The following ILDR2 variants were observed in gnomAD, a reference collection of about 807,000 sequenced individuals.
ILDR2 encodes immunoglobulin like domain containing receptor 2, also known as immunoglobulin-like domain-containing receptor 2.
In ILDR2, 25 loss-of-function variants were observed where a neutral mutation model predicts 66.8. The observed-to-expected ratio is 0.37, with a 90% CI of 0.27 to 0.52. The LOEUF is 0.52. Among genes scored for constraint, ILDR2 ranks in the 20% least tolerant of loss-of-function variants. The pLI is 0.88. For missense variants in ILDR2, 827 were observed against 876.8 expected (o/e 0.94, Z 0.72); for synonymous variants, 367 against 357.2 (o/e 1.03, Z -0.31).
intron 3 of ILDR2, 31 bp downstream of exon 3, chr1:166,956,702 G>C (rs1398369680): frequency 1.2e-6 from 2 of 1,611,190 alleles, no homozygotes; most frequent in African/African-American, 1.3e-5. Context: ...AGTGGTCTAA[G>C]ATGAAAATGT....
exon 3 of ILDR2, chr1:166,895,977 A>C (rs1659160183): frequency 6.6e-6 from 1 of 152,188 alleles, no homozygotes; most frequent in African/African-American, 2.4e-5. Flanking sequence ...CTATGTCTTC[A>C]GAGATAAGAA....
intron 2 of ILDR2, among the ~76,000 whole-genome samples, chr1:166,902,581 G>A (rs557864669): frequency 3.3e-4 from 50 of 152,284 alleles, no homozygotes; most frequent in African/African-American, 1.2e-3. Context: ...AGGTGAGTGA[G>A]GAAACACATT....
chr1:166,933,599 G>T, intron 6 of ILDR2: 2 of 937,686 alleles, frequency 2.1e-6, no homozygotes, highest in South Asian at 9.9e-5. Context: ...GAAAAAGACA[G>T]AAAATGACAG....
exon 3 of ILDR2, chr1:166,895,820 C>T (rs142580518): frequency 3.3e-5 from 5 of 152,266 alleles, no homozygotes; most frequent in African/African-American, 1.2e-4. Flanking sequence ...GAATCATGGA[C>T]AGTCATAGAG....
chr1:166,927,601 A>C (rs1201449220), intron 6 of ILDR2, among the ~76,000 whole-genome samples: 3 of 152,220 alleles, frequency 2.0e-5, no homozygotes, highest in Non-Finnish European at 2.9e-5. Flanking sequence ...ACTTTGTGAG[A>C]GCACAGGTAA....
At chr1:166,928,197 G>C (rs1660419022) in intron 6 of ILDR2, among the ~76,000 whole-genome samples, 1 of 152,194 alleles carries the variant, frequency 6.6e-6, no homozygotes, top group African/African-American at 2.4e-5. Flanking sequence ...ATGGACATTT[G>C]TTCCTCAGAA....
chr1:166,949,539 C>T (rs1032460134), intron 3 of ILDR2, among the ~76,000 whole-genome samples: 6 of 152,098 alleles, frequency 3.9e-5, no homozygotes, highest in African/African-American at 1.4e-4. Context: ...AAACTGACTC[C>T]ACTCCATGGT....
At chr1:166,942,577 T>C (rs1193306304) in intron 3 of ILDR2, among the ~76,000 whole-genome samples, 1 of 152,220 alleles carries the variant, frequency 6.6e-6, no homozygotes, top group Non-Finnish European at 1.5e-5. Flanking sequence ...GCAGGCTGCA[T>C]AGAGCCCAGA....
At chr1:166,938,634 T>C (rs1432199943) in intron 4 of ILDR2, among the ~76,000 whole-genome samples, 1 of 152,194 alleles carries the variant, frequency 6.6e-6, no homozygotes, top group Non-Finnish European at 1.5e-5. Context: ...TGAAGCTCAA[T>C]GGTAAAGAAT....
intron 1 of ILDR2, among the ~76,000 whole-genome samples, chr1:166,971,252 A>G (rs994803459): frequency 1.3e-5 from 2 of 152,226 alleles, no homozygotes; most frequent in African/African-American, 2.4e-5. Context: ...CAACCCCAGC[A>G]TAACTTCTGG....
chr1:166,961,568 G>A (rs1662616890), intron 1 of ILDR2, among the ~76,000 whole-genome samples: 1 of 152,206 alleles, frequency 6.6e-6, no homozygotes, highest in African/African-American at 2.4e-5. Context: ...ACTCAACTCT[G>A]ATGAGTTTCA....
chr1:166,972,335 G>C (rs189313987), intron 1 of ILDR2, among the ~76,000 whole-genome samples: 1 of 152,144 alleles, frequency 6.6e-6, no homozygotes. Flanking sequence ...CCAGAGTGTC[G>C]ACACAGCTCC....
At position 166,960,731 on chromosome 1, in the gene ILDR2, C is replaced by T. The variant is rs1284785654; in HGVS notation, c.47-2630G>A. Reference sequence around the variant, plus strand: ...CCCATCAAAAGGCAAACAATTCCATCTGGAAGCTCATTGAAGAACCCTAGT... The same window carrying T: ...CCCATCAAAAGGCAAACAATTCCATTTGGAAGCTCATTGAAGAACCCTAGT... On this transcript the variant is annotated intron_variant, in intron 1 of 9. Coordinates refer to ENST00000271417, the MANE Select transcript of ILDR2 (RefSeq NM_199351.3). Among the ~76,000 whole-genome samples, 5 of 152,210 alleles carry T rather than the reference C, an allele frequency of 3.3e-5. No homozygotes were observed. The East Asian group carries it at 5.8e-4, about 18-fold the overall frequency.
At chr1:166,895,869 G>T (rs753520859) in exon 3 of ILDR2, 1 of 152,170 alleles carries the variant, frequency 6.6e-6, no homozygotes, top group Non-Finnish European at 1.5e-5. Flanking sequence ...ATCTAATGCC[G>T]ATAAACTGCA....
At position 166,909,710 on chromosome 1, in the gene ILDR2, C is replaced by T. The variant is rs544547292; in HGVS notation, c.*9645G>A. ...CAAAAACAAGGTTAATAGAAATTGA[C>T]ATATATATGTGTGTGTGTATACATA... On this transcript the variant is annotated 3_prime_UTR_variant, in exon 10 of 10. Coordinates refer to ENST00000271417, the MANE Select transcript of ILDR2 (RefSeq NM_199351.3). 1.3e-4 allele frequency: 17 copies of T among 131,510 alleles called. No individual in the cohort carries two copies. The highest frequency in any genetic ancestry group is 4.7e-4 in the African/African-American group (16 of 34,402). 8.1% of individuals were successfully genotyped at this position (131,510 alleles called of 1,614,324 possible).
At chr1:166,904,880 C>A (rs1659314956), downstream of ILDR2, among the ~76,000 whole-genome samples, 2 of 152,164 alleles carry the variant, frequency 1.3e-5, no homozygotes, top group African/African-American at 4.8e-5. Flanking sequence ...TCACTGTACA[C>A]AGTAGGGCAT....
intron 6 of ILDR2, among the ~76,000 whole-genome samples, chr1:166,928,558 G>C (rs1226405161): frequency 6.6e-6 from 1 of 152,122 alleles, no homozygotes; most frequent in African/African-American, 2.4e-5. Context: ...TCCCAAAGTG[G>C]GGCAAACACC....
At chr1:166,952,315 A>G (rs2101963002) in intron 3 of ILDR2, among the ~76,000 whole-genome samples, 1 of 152,300 alleles carries the variant, frequency 6.6e-6, no homozygotes. Context: ...GACTGCTGGT[A>G]TGGCCCTATG....
At chr1:166,904,409 A>G (rs1659307804), downstream of ILDR2, among the ~76,000 whole-genome samples, 1 of 152,208 alleles carries the variant, frequency 6.6e-6, no homozygotes, top group African/African-American at 2.4e-5. Flanking sequence ...GCACTGTATC[A>G]ATTGACACTC....
Sources: gnomAD v4.1 joint callset for allele counts (sites outside exome capture counted in the v4.1 genomes callset) on GRCh38, gnomAD v4.1.1 for gene constraint, MANE v1.5 for transcripts, NCBI Gene and HGNC (gene_info 2026-07-23, HGNC 2026-07-21) for gene names.